The following CSMD1 variants were observed in gnomAD, a reference collection of about 807,000 sequenced individuals.
The protein encoded by CSMD1 is CUB and Sushi multiple domains 1, also known as CUB and sushi domain-containing protein 1.
A neutral mutation model predicts 417.5 loss-of-function variants in CSMD1; 213 were observed. That is an observed-to-expected ratio of 0.51 (90% CI 0.46 to 0.57). The LOEUF is 0.57. Ranked by LOEUF, CSMD1 falls within the 20% of genes least tolerant of loss-of-function variation. The probability of loss-of-function intolerance (pLI) is 0.00; values close to 1 mark genes in which losing one functional copy is unlikely to be tolerated. For synonymous variants in CSMD1, 2,862 were observed against 1,736.8 expected (o/e 1.65, Z -16.11); for missense variants, 6,923 against 4,529.7 (o/e 1.53, Z -15.17).
At chr8:4,404,292 A>C (rs560373920) in intron 3 of CSMD1, among the ~76,000 whole-genome samples, 1 of 152,160 alleles carries the variant, frequency 6.6e-6, no homozygotes, top group African/African-American at 2.4e-5. Context: ...GATATGCTGT[A>C]TATTTCAATC....
At chr8:3,842,992 T>C (rs1040592891) in intron 5 of CSMD1, among the ~76,000 whole-genome samples, 5 of 152,318 alleles carry the variant, frequency 3.3e-5, no homozygotes, top group African/African-American at 1.2e-4. Context: ...TTTGCTCAGT[T>C]TGATTTCTAA....
chr8:3,855,201 C>T lies in CSMD1; in HGVS notation c.819-101159G>A, dbSNP rs150401728. On this transcript the variant is annotated intron_variant, in intron 5 of 69. Coordinates refer to ENST00000635120, the MANE Select transcript of CSMD1 (RefSeq NM_033225.6). The stretch of plus-strand genomic sequence containing the variant: ...ATATAACAAAGATGTATTATTAAAA[C>T]TAATGGACAAGGCTGCGACAGCTAT... Among the ~76,000 whole-genome samples the T allele has an allele frequency of 3.7e-3, 558 of 152,238 alleles. 3 individuals carry two copies. Among genetic ancestry groups the T allele is most frequent in the African/African-American group, 7.3e-3 (304 of 41,530 alleles).
chr8:4,037,700 A>G (rs1375555348), intron 3 of CSMD1, among the ~76,000 whole-genome samples: 1 of 152,200 alleles, frequency 6.6e-6, no homozygotes, highest in African/African-American at 2.4e-5. Flanking sequence ...TGAAGATTGA[A>G]TGAGATAACA....
intron 2 of CSMD1, among the ~76,000 whole-genome samples, chr8:4,468,986 C>G (rs1285530370): frequency 2.0e-5 from 3 of 152,208 alleles, no homozygotes; most frequent in Admixed American, 1.3e-4. Context: ...GGGTATAGTT[C>G]TCTTATCAGA....
chr8:4,433,695 T>A (rs867991075), intron 2 of CSMD1, among the ~76,000 whole-genome samples: 1 of 152,226 alleles, frequency 6.6e-6, no homozygotes, highest in East Asian at 1.9e-4. Context: ...TCACCTGGCA[T>A]GTGAATATAT....
chr8:2,947,410 C>T (rs1397652371), intron 68 of CSMD1, among the ~76,000 whole-genome samples: 1 of 152,142 alleles, frequency 6.6e-6, no homozygotes, highest in Admixed American at 6.6e-5. Flanking sequence ...ATTACGTAAA[C>T]ACAAACTTTT....
rs1055558787 is a variant in CSMD1, at chr8:4,909,805, A to C, written c.85+84527T>G. ...GTTTTGGTTGTGACTCTGTGGACCC[A>C]CCTGTCCTTCATTTCCAGGTGGCAA... On this transcript the variant is annotated intron_variant, in intron 1 of 69. Transcript: ENST00000635120. Among the ~76,000 whole-genome samples the C allele has an allele frequency of 5.3e-5, 8 of 152,284 alleles. 1 individual carries two copies. The South Asian group carries it at 1.2e-3, about 24-fold the overall frequency.
intron 3 of CSMD1, among the ~76,000 whole-genome samples, chr8:4,124,482 G>C (rs1055296662): frequency 3.3e-5 from 5 of 152,120 alleles, no homozygotes; most frequent in African/African-American, 1.2e-4. Context: ...TCTCTCCACG[G>C]GGTGAAATCA....
At chr8:4,825,500 T>A (rs1799772925) in intron 1 of CSMD1, among the ~76,000 whole-genome samples, 1 of 152,048 alleles carries the variant, frequency 6.6e-6, no homozygotes, top group African/African-American at 2.4e-5. Context: ...ATCGCCCGAT[T>A]TTTCCTTCCC....
intron 1 of CSMD1, among the ~76,000 whole-genome samples, chr8:4,991,877 C>A (rs1811485303): frequency 1.3e-5 from 2 of 152,124 alleles, no homozygotes; most frequent in South Asian, 2.1e-4. Context: ...GGAGGAGACA[C>A]GGTCCCTGGT....
intron 12 of CSMD1, among the ~76,000 whole-genome samples, chr8:3,451,883 T>C (rs916410107): frequency 6.6e-6 from 1 of 152,220 alleles, no homozygotes; most frequent in Non-Finnish European, 1.5e-5. Flanking sequence ...GGGGATGGCA[T>C]TGAATCTATA....
Position 4,368,087 on chromosome 8 carries a change from C to G in CSMD1, c.415+51866G>C, listed in dbSNP as rs77189512. 3.9e-3 allele frequency among the ~76,000 whole-genome samples: 596 copies of G among 152,222 alleles called. 5 individuals are homozygous for G. The highest frequency in any genetic ancestry group is 6.6e-3 in the Non-Finnish European group (451 of 68,018). ...CAAAGTGCGCATCCTTGTCTCATTC[C>G]TGTTCTCAAGGGGAGTGCTTCTAGC... On this transcript the variant is annotated intron_variant, in intron 3 of 69. Transcript: ENST00000635120.
rs1484810412 is a variant in CSMD1, at chr8:3,394,053, TATAG to T, written c.2593+2137_2593+2140del. Among the ~76,000 whole-genome samples the T allele has an allele frequency of 8.6e-4, 104 of 120,420 alleles. 3 individuals carry two copies. Among genetic ancestry groups the T allele is most frequent in the Non-Finnish European group, 1.3e-3 (75 of 57,294 alleles). 79.0% of individuals were successfully genotyped at this position (120,420 alleles called of 152,430 possible). The stretch of plus-strand genomic sequence containing the variant: ...ATATATATATATATATATATATATA[TATAG>T]AAAAAAAGAAAAATGGCAAAGAGCT... On this transcript the variant is annotated intron_variant, in intron 17 of 69. Coordinates refer to ENST00000635120, the MANE Select transcript of CSMD1 (RefSeq NM_033225.6).
At position 4,672,473 on chromosome 8, in the gene CSMD1, T is replaced by C. The variant is rs182628964; in HGVS notation, c.86-34915A>G. On this transcript the variant is annotated intron_variant, in intron 1 of 69. Transcript: ENST00000635120. ...TTTCTCAATGAGAAAAGAGGGAGAA[T>C]AATTCCTTTTATATTACTGATGAAA... is the stretch of plus-strand genomic sequence containing the variant. 1.3e-4 allele frequency among the ~76,000 whole-genome samples: 20 copies of C among 152,270 alleles called. No homozygotes were observed. In the East Asian group the frequency reaches 3.3e-3, roughly 25 times the overall value.
chr8:3,592,195 A>G, intron 8 of CSMD1, among the ~76,000 whole-genome samples: 1 of 152,140 alleles, frequency 6.6e-6, no homozygotes, highest in Non-Finnish European at 1.5e-5. Context: ...TGACAGATAG[A>G]TGGACAGAAA....
chr8:3,097,802 C>T (rs1187401604), intron 46 of CSMD1, among the ~76,000 whole-genome samples: 1 of 152,118 alleles, frequency 6.6e-6, no homozygotes, highest in Non-Finnish European at 1.5e-5. Context: ...AATATTTAAA[C>T]GTTCGATGTG....
chr8:4,587,032 T>G (rs1799735906), intron 2 of CSMD1, among the ~76,000 whole-genome samples: 1 of 152,220 alleles, frequency 6.6e-6, no homozygotes, highest in Non-Finnish European at 1.5e-5. Context: ...TTAGTTAATT[T>G]TGAATGAATG....
Position 3,106,644 on chromosome 8 carries a change from A to G in CSMD1, c.6836-3T>C, listed in dbSNP as rs2129014667. The stretch of plus-strand genomic sequence containing the variant: ...GCACTGGTACTTCACAAAATCTCCT[A>G]GAAGAGTCAATGCAACAAACCAGGA... On this transcript the variant is annotated splice_polypyrimidine_tract_variant and splice_region_variant and intron_variant, in intron 45 of 69. Transcript: ENST00000635120. 7 of 1,597,812 alleles carry G rather than the reference A, an allele frequency of 4.4e-6. No individual in the cohort carries two copies. In the East Asian group the frequency reaches 1.1e-4, roughly 25 times the overall value.
chr8:4,968,470 C>CT (rs1259800915), intron 1 of CSMD1, among the ~76,000 whole-genome samples: 1 of 152,110 alleles, frequency 6.6e-6, no homozygotes, highest in Admixed American at 6.6e-5. Context: ...AAGACCTCTA[C>CT]TGCATAGATT....
Sources: allele counts gnomAD v4.1 joint callset (sites outside exome capture counted in the v4.1 genomes callset), GRCh38; gene constraint gnomAD v4.1.1; transcripts MANE v1.5; gene names NCBI Gene and HGNC (gene_info 2026-07-23, HGNC 2026-07-21).